CPHXL2: variants seen among roughly 807,000 people sequenced by gnomAD.
CPHXL2 encodes the protein cytoplasmic polyadenylated homeobox like 2.
the CPHXL2 span, among the ~76,000 whole-genome samples, chr16:75,676,736 G>T: frequency 0.013 from 2,032 of 152,208 alleles, 46 homozygotes; most frequent in African/African-American, 0.046. Context: ...AATTTGATCT[G>T]TAGGTATTTT....
the CPHXL2 span, among the ~76,000 whole-genome samples, chr16:75,673,210 A>G: frequency 6.6e-6 from 1 of 151,454 alleles, no homozygotes; most frequent in Admixed American, 6.6e-5. Flanking sequence ...CCAGGCGGGC[A>G]GATCACTTGA....
At chr16:75,664,645 AAG>A in the CPHXL2 span, among the ~76,000 whole-genome samples, 1 of 147,414 alleles carries the variant, frequency 6.8e-6, no homozygotes, top group African/African-American at 2.6e-5. Flanking sequence ...AAAAAAAAGA[AAG>A]AAAGAAAAAC....
At chr16:75,661,437 GTCATGCA>G in the CPHXL2 span, among the ~76,000 whole-genome samples, 1 of 152,064 alleles carries the variant, frequency 6.6e-6, no homozygotes, top group African/African-American at 2.4e-5. Flanking sequence ...GATACCGGAG[GTCATGCA>G]TCATGCATTT....
At chr16:75,666,465 T>A in the CPHXL2 span, among the ~76,000 whole-genome samples, 1 of 151,706 alleles carries the variant, frequency 6.6e-6, no homozygotes, top group Non-Finnish European at 1.5e-5. Flanking sequence ...AAAATTAGCC[T>A]GGTGTGGTGG....
the CPHXL2 span, among the ~76,000 whole-genome samples, chr16:75,671,722 A>G: frequency 1.3e-5 from 2 of 152,248 alleles, no homozygotes; most frequent in Non-Finnish European, 2.9e-5. Flanking sequence ...TTATGAATGA[A>G]GTAACTGGTG....
chr16:75,661,528 A>T, the CPHXL2 span, among the ~76,000 whole-genome samples: 1 of 151,962 alleles, frequency 6.6e-6, no homozygotes, highest in African/African-American at 2.4e-5. Flanking sequence ...TCTGGAATCT[A>T]TCTCCAACCT....
chr16:75,674,822 G>C, the CPHXL2 span, among the ~76,000 whole-genome samples: 1 of 151,540 alleles, frequency 6.6e-6, no homozygotes, highest in Non-Finnish European at 1.5e-5. Context: ...CGATTCTCCT[G>C]CCTCAGATTC....
chr16:75,672,448 G>A, the CPHXL2 span, among the ~76,000 whole-genome samples: 1,976 of 152,076 alleles, frequency 0.013, 48 homozygotes, highest in African/African-American at 0.046. Context: ...TGTGTATGCC[G>A]GGTGGAGTGG....
chr16:75,671,598 G>T, the CPHXL2 span, among the ~76,000 whole-genome samples: 1 of 152,104 alleles, frequency 6.6e-6, no homozygotes, highest in Admixed American at 6.5e-5. Context: ...AAAGCCTAAA[G>T]TAGTGCCTTA....
At chr16:75,673,035 A>C in the CPHXL2 span, among the ~76,000 whole-genome samples, 530 of 144,262 alleles carry the variant, frequency 3.7e-3, 5 homozygotes, top group African/African-American at 0.013. Context: ...TGCACGTGCC[A>C]CTGCACTCCA....
At chr16:75,673,307 T>A in the CPHXL2 span, among the ~76,000 whole-genome samples, 1 of 151,910 alleles carries the variant, frequency 6.6e-6, no homozygotes, top group African/African-American at 2.4e-5. Flanking sequence ...TGGAGGCACA[T>A]GCCTGTGGTC....
At chr16:75,664,854 C>T in the CPHXL2 span, among the ~76,000 whole-genome samples, 1 of 152,100 alleles carries the variant, frequency 6.6e-6, no homozygotes, top group African/African-American at 2.4e-5. Flanking sequence ...CCCTCAGCCA[C>T]CTTGCCATGT....
chr16:75,668,259 C>T, the CPHXL2 span, among the ~76,000 whole-genome samples: 250 of 148,110 alleles, frequency 1.7e-3, 2 homozygotes, highest in African/African-American at 5.9e-3. Context: ...GACAGAGCCT[C>T]GCTCTGTCAC....
the CPHXL2 span, chr16:75,660,663 T>G: frequency 1.0e-5 from 4 of 398,506 alleles, no homozygotes; most frequent in African/African-American, 6.2e-5. Context: ...ACAATGGTCT[T>G]TCTTCACCCC....
the CPHXL2 span, among the ~76,000 whole-genome samples, chr16:75,664,223 T>G: frequency 6.6e-6 from 1 of 152,256 alleles, no homozygotes; most frequent in African/African-American, 2.4e-5. Flanking sequence ...CTGACCACCT[T>G]GGGCACATAT....
chr16:75,674,446 G>C, the CPHXL2 span, among the ~76,000 whole-genome samples: 1 of 145,900 alleles, frequency 6.9e-6, no homozygotes, highest in Non-Finnish European at 1.5e-5. Context: ...AATTAAAGTA[G>C]ACCTAAATAA....
chr16:75,664,636 A>AAAAAG, the CPHXL2 span, among the ~76,000 whole-genome samples: 82 of 150,800 alleles, frequency 5.4e-4, 1 homozygote, highest in African/African-American at 1.9e-3. Flanking sequence ...AAAAAAAAAA[A>AAAAAG]AAAAAAGAAA....
the CPHXL2 span, among the ~76,000 whole-genome samples, chr16:75,669,909 A>C: frequency 6.6e-6 from 1 of 152,264 alleles, no homozygotes; most frequent in African/African-American, 2.4e-5. Context: ...CATATTTACT[A>C]TCTGGATTTG....
At chr16:75,671,361 CA>C in the CPHXL2 span, among the ~76,000 whole-genome samples, 3,700 of 126,340 alleles carry the variant, frequency 0.029, 62 homozygotes, top group Non-Finnish European at 0.041. Context: ...GACTCTGTAT[CA>C]AAAAAAAAAA....
Sources: allele counts gnomAD v4.1 joint callset (sites outside exome capture counted in the v4.1 genomes callset), GRCh38; gene constraint gnomAD v4.1.1; transcripts MANE v1.5; gene names NCBI Gene and HGNC (gene_info 2026-07-23, HGNC 2026-07-21).